Variants in WWOX observed in about 807,000 individuals in gnomAD.
The protein encoded by WWOX is WW domain-containing oxidoreductase.
In WWOX, 69 loss-of-function variants were observed where a neutral mutation model predicts 46.2. The ratio of observed to expected loss-of-function variants is 1.49; its 90% CI spans 1.23 to 1.82. The LOEUF is 1.82. Ranked by LOEUF, WWOX falls within the 40% of genes most tolerant of loss-of-function variation. The pLI is 0.00. For synonymous variants in WWOX, 359 were observed against 202.6 expected (o/e 1.77, Z -6.56); for missense variants, 919 against 542.6 (o/e 1.69, Z -6.89).
chr16:78,127,824 G>A (rs1031886474), intron 4 of WWOX, among the ~76,000 whole-genome samples: 2 of 152,132 alleles, frequency 1.3e-5, no homozygotes, highest in Non-Finnish European at 2.9e-5. Context: ...TAAAAAGGTA[G>A]GACAGTTTTA....
chr16:79,089,847 G>A (rs2048921793), intron 8 of WWOX, among the ~76,000 whole-genome samples: 1 of 151,856 alleles, frequency 6.6e-6, no homozygotes, highest in Non-Finnish European at 1.5e-5. Flanking sequence ...GTGTTCATTG[G>A]CCCCTGTTGT....
At chr16:78,632,276 G>A (rs2046450523) in intron 8 of WWOX, among the ~76,000 whole-genome samples, 1 of 152,098 alleles carries the variant, frequency 6.6e-6, no homozygotes, top group South Asian at 2.1e-4. Flanking sequence ...TGTTTTGGAG[G>A]GGAGTGAGGA....
intron 8 of WWOX, among the ~76,000 whole-genome samples, chr16:78,797,979 C>A (rs577255762): frequency 6.6e-6 from 1 of 152,134 alleles, no homozygotes; most frequent in Non-Finnish European, 1.5e-5. Flanking sequence ...CAGGGTGAGA[C>A]CCTGTCTCTA....
chr16:78,652,897 G>T (rs2046998398), intron 8 of WWOX, among the ~76,000 whole-genome samples: 1 of 152,040 alleles, frequency 6.6e-6, no homozygotes, highest in Non-Finnish European at 1.5e-5. Flanking sequence ...TCACAGTTCT[G>T]GAGTTCACAT....
At chr16:79,211,459 C>A (rs1029544179) in intron 8 of WWOX, 149 bp from the exon 9 acceptor site, 3 of 962,158 alleles carry the variant, frequency 3.1e-6, no homozygotes, top group Non-Finnish European at 4.8e-6. Context: ...CAGTCATGTG[C>A]TTTCAGCCCA....
intron 8 of WWOX, among the ~76,000 whole-genome samples, chr16:78,865,734 G>C (rs1490219254): frequency 2.0e-5 from 3 of 152,084 alleles, no homozygotes; most frequent in Admixed American, 6.6e-5. Context: ...ACAAAAATTA[G>C]CCATGCTTGG....
At chr16:78,605,456 C>G (rs2045733263) in intron 8 of WWOX, among the ~76,000 whole-genome samples, 1 of 151,946 alleles carries the variant, frequency 6.6e-6, no homozygotes, top group Non-Finnish European at 1.5e-5. Context: ...AAAGGCAAGA[C>G]CACTCCAGCC....
rs112029951 is a variant in WWOX at position 78,619,296 on chromosome 16, G to A, written c.1056+186544G>A. Reference sequence around the variant, plus strand: ...TGAGAATCGCTTGAACCTGGGAGTCGGAGGTTGCAGTAAGCTGAGATCGCC... The same window carrying A: ...TGAGAATCGCTTGAACCTGGGAGTCAGAGGTTGCAGTAAGCTGAGATCGCC... On this transcript the variant is annotated intron_variant, in intron 8 of 8. Transcript: ENST00000566780. 6.1e-4 allele frequency among the ~76,000 whole-genome samples: 77 copies of A among 125,436 alleles called. 1 individual carries two copies. The highest frequency in any genetic ancestry group is 3.1e-3 in the South Asian group (11 of 3,518). 82.3% of individuals were successfully genotyped at this position (125,436 alleles called of 152,430 possible). A position where few individuals can be genotyped will look rare whatever the true frequency, so the allele number is the denominator to read the frequency against.
chr16:78,867,802 C>G (rs1027413244), intron 8 of WWOX, among the ~76,000 whole-genome samples: 4 of 152,102 alleles, frequency 2.6e-5, no homozygotes, highest in African/African-American at 9.7e-5. Context: ...CTTTTCTGAC[C>G]TCATCGCTGC....
intron 5 of WWOX, among the ~76,000 whole-genome samples, chr16:78,385,148 C>CACACACACACACACAG (rs1364215804): frequency 6.6e-6 from 1 of 151,514 alleles, no homozygotes; most frequent in Non-Finnish European, 1.5e-5. Flanking sequence ...CACACACACA[C>CACACACACACACACAG]ACACACACAC....
chr16:78,326,879 A>G (rs889753484), intron 5 of WWOX, among the ~76,000 whole-genome samples: 6 of 152,136 alleles, frequency 3.9e-5, no homozygotes, highest in African/African-American at 7.2e-5. Context: ...GTTGTATTCT[A>G]TATGAATCTT....
chr16:78,667,243 G>C (rs1229298877), intron 8 of WWOX, among the ~76,000 whole-genome samples: 5 of 152,156 alleles, frequency 3.3e-5, no homozygotes, highest in Non-Finnish European at 7.3e-5. Flanking sequence ...GCCCCTCGTA[G>C]CAGACTATCT....
chr16:78,129,223 A>G (rs2033489333), intron 4 of WWOX, among the ~76,000 whole-genome samples: 3 of 152,246 alleles, frequency 2.0e-5, no homozygotes, highest in South Asian at 4.1e-4. Context: ...TGGGAAAGCT[A>G]GTCTTGTTGG....
intron 8 of WWOX, among the ~76,000 whole-genome samples, chr16:78,863,642 C>G (rs1416069467): frequency 6.6e-6 from 1 of 152,190 alleles, no homozygotes; most frequent in Non-Finnish European, 1.5e-5. Flanking sequence ...CTCTTATTTA[C>G]TCAGTGTTTC....
intron 8 of WWOX, among the ~76,000 whole-genome samples, chr16:78,537,350 G>C (rs2043783929): frequency 6.6e-6 from 1 of 152,226 alleles, no homozygotes; most frequent in African/African-American, 2.4e-5. Context: ...TAGGTAGATA[G>C]ATGAAGGGTT....
chr16:78,241,987 A>C (rs1002031710), intron 5 of WWOX, among the ~76,000 whole-genome samples: 5 of 152,202 alleles, frequency 3.3e-5, no homozygotes, highest in African/African-American at 1.2e-4. Context: ...CCATAGCTAC[A>C]CTAGATTTGA....
chr16:78,515,017 C>T lies in WWOX; in HGVS notation c.1056+82265C>T, dbSNP rs111266230. 2.6e-5 allele frequency among the ~76,000 whole-genome samples: 4 copies of T among 152,162 alleles called. No homozygotes were observed. The East Asian group carries it at 7.8e-4, about 30-fold the overall frequency. ...GGTGGATCACCTGAAGTCAGGACAT[C>T]AAGACCAGTCTGGCCAGTGTGGCAA... On this transcript the variant is annotated intron_variant, in intron 8 of 8. Coordinates refer to ENST00000566780, the MANE Select transcript of WWOX (RefSeq NM_016373.4).
chr16:78,683,689 G>A (rs898111547), intron 8 of WWOX, among the ~76,000 whole-genome samples: 2 of 152,168 alleles, frequency 1.3e-5, no homozygotes, highest in African/African-American at 4.8e-5. Context: ...GGCACGAGCT[G>A]CCACGCCTCA....
intron 8 of WWOX, among the ~76,000 whole-genome samples, chr16:78,702,100 TTA>T (rs72067397): frequency 0.42 from 33,837 of 81,068 alleles, 6,058 homozygotes; most frequent in South Asian, 0.56. Context: ...ATCTATAAAG[TTA>T]TATATATATA....
Sources: gnomAD v4.1 joint callset for allele counts (sites outside exome capture counted in the v4.1 genomes callset) on GRCh38, gnomAD v4.1.1 for gene constraint, MANE v1.5 for transcripts, NCBI Gene and HGNC (gene_info 2026-07-23, HGNC 2026-07-21) for gene names.